Variants in PDE1A observed in about 807,000 individuals in gnomAD.
The protein encoded by PDE1A is dual specificity calcium/calmodulin-dependent 3',5'-cyclic nucleotide phosphodiesterase 1A.
Under a neutral mutation model 61.7 loss-of-function variants are expected in PDE1A, and 35 were observed. The observed-to-expected ratio is 0.57, with a 90% CI of 0.43 to 0.75. PDE1A has a LOEUF of 0.75. PDE1A is among the 30% of genes least tolerant of loss of function. The pLI, the probability that PDE1A is intolerant of heterozygous loss-of-function variation, is 0.00. For synonymous variants in PDE1A, 232 were observed against 213.2 expected, an observed-to-expected ratio of 1.09 and a Z score of -0.77; for missense variants, 597 against 630.6, an observed-to-expected ratio of 0.95 and a Z score of 0.57.
intron 1 of PDE1A, among the ~76,000 whole-genome samples, chr2:182,404,127 T>C (rs1702172362): frequency 6.6e-6 from 1 of 151,728 alleles, no homozygotes; most frequent in Non-Finnish European, 1.5e-5. Flanking sequence ...AAATAAGCCA[T>C]GAAGAAATTC....
chr2:182,240,980 A>C (rs1242943191), intron 2 of PDE1A, among the ~76,000 whole-genome samples: 1 of 152,212 alleles, frequency 6.6e-6, no homozygotes, highest in Non-Finnish European at 1.5e-5. Context: ...TCATGGGTTT[A>C]GAGCTGCTGG....
chr2:182,255,296 T>G (rs1326357491), intron 2 of PDE1A, among the ~76,000 whole-genome samples: 1 of 152,218 alleles, frequency 6.6e-6, no homozygotes, highest in Non-Finnish European at 1.5e-5. Flanking sequence ...CACTTACAAT[T>G]GAAATATTAA....
chr2:182,446,739 T>C (rs1450637475), intron 2 of PDE1A, among the ~76,000 whole-genome samples: 2 of 152,202 alleles, frequency 1.3e-5, no homozygotes, highest in Admixed American at 6.6e-5. Context: ...CTTCAATGAT[T>C]AAGCAGCCTT....
chr2:182,422,533 G>T (rs1343778216), intron 1 of PDE1A, among the ~76,000 whole-genome samples: 3 of 152,116 alleles, frequency 2.0e-5, no homozygotes, highest in African/African-American at 7.2e-5. Flanking sequence ...ATTTTTCTTG[G>T]CCTCATAGTC....
intron 1 of PDE1A, among the ~76,000 whole-genome samples, chr2:182,394,538 C>T (rs1321341302): frequency 6.8e-6 from 1 of 145,996 alleles, no homozygotes; most frequent in Non-Finnish European, 1.5e-5. Flanking sequence ...AGGGGAATGA[C>T]CAGACCTTTG....
At chr2:182,347,180 G>T (rs538382225) in intron 1 of PDE1A, among the ~76,000 whole-genome samples, 13 of 151,850 alleles carry the variant, frequency 8.6e-5, no homozygotes, top group African/African-American at 2.9e-4. Flanking sequence ...AGAAAATGTT[G>T]ATTTAAATCC....
In PDE1A at chr2:182,159,179, T is replaced by C. The variant is rs190460658; in HGVS notation, c.1517-12027A>G. On this transcript the variant is annotated intron_variant, in intron 13 of 13. Transcript: ENST00000409365. ...CTGGATAAGCTAAAGTGTCCTCTTT[T>C]TGAGAAAATTTAGGTTTACAGAACC... Among the ~76,000 whole-genome samples the C allele has an allele frequency of 1.1e-3, 166 of 152,344 alleles. 2 individuals carry two copies. Among genetic ancestry groups the C allele is most frequent in the Non-Finnish European group, 1.6e-4 (11 of 68,028 alleles).
chr2:182,660,693 G>A, the PDE1A span, among the ~76,000 whole-genome samples: 1 of 152,190 alleles, frequency 6.6e-6, no homozygotes, highest in East Asian at 1.9e-4. Flanking sequence ...TTAGAGAGGT[G>A]CCCAGACAAC....
chr2:182,266,326 C>G (rs1692630792), intron 1 of PDE1A, among the ~76,000 whole-genome samples: 1 of 152,130 alleles, frequency 6.6e-6, no homozygotes, highest in Non-Finnish European at 1.5e-5. Context: ...TATAATGGAT[C>G]AAGATACAGA....
chr2:182,521,944 A>C (rs977623045), intron 2 of PDE1A, among the ~76,000 whole-genome samples: 2 of 152,096 alleles, frequency 1.3e-5, no homozygotes, highest in Non-Finnish European at 2.9e-5. Flanking sequence ...GGGAAATTTT[A>C]TTTGTGGCAG....
chr2:182,225,350 A>G (rs1689059046), intron 6 of PDE1A, among the ~76,000 whole-genome samples: 3 of 151,924 alleles, frequency 2.0e-5, no homozygotes, highest in Admixed American at 1.3e-4. Flanking sequence ...GTAAAAGGTA[A>G]AAGAAAGCCA....
At chr2:182,446,123 G>T (rs1041965717) in intron 2 of PDE1A, among the ~76,000 whole-genome samples, 8 of 152,000 alleles carry the variant, frequency 5.3e-5, no homozygotes, top group African/African-American at 1.9e-4. Context: ...ATTATATTAA[G>T]ATTTTAAATA....
chr2:182,652,671 C>A, the PDE1A span, among the ~76,000 whole-genome samples: 4 of 152,172 alleles, frequency 2.6e-5, no homozygotes, highest in African/African-American at 9.7e-5. Context: ...CAATTCATCA[C>A]TGAGTGTTCA....
At chr2:182,714,576 T>G in the PDE1A span, among the ~76,000 whole-genome samples, 1 of 152,146 alleles carries the variant, frequency 6.6e-6, no homozygotes, top group Non-Finnish European at 1.5e-5. Context: ...TACTTTTTTT[T>G]TTCCCCCAAG....
intron 2 of PDE1A, among the ~76,000 whole-genome samples, chr2:182,456,644 T>C (rs1396062665): frequency 1.3e-5 from 2 of 152,086 alleles, no homozygotes; most frequent in Non-Finnish European, 2.9e-5. Context: ...TGAAAGATTC[T>C]TGACAAAAAT....
chr2:182,635,608 C>T, the PDE1A span, among the ~76,000 whole-genome samples: 12,607 of 151,796 alleles, frequency 0.083, 559 homozygotes, highest in Middle Eastern at 0.11. Flanking sequence ...CCAGCTGTTC[C>T]CACATCTTCG....
chr2:182,615,233 T>TGA, the PDE1A span, among the ~76,000 whole-genome samples: 3 of 152,186 alleles, frequency 2.0e-5, no homozygotes, highest in East Asian at 1.9e-4. Context: ...TAGGCTGCAG[T>TGA]TCTGTTCAGA....
At chr2:182,682,821 A>G in the PDE1A span, among the ~76,000 whole-genome samples, 1 of 152,222 alleles carries the variant, frequency 6.6e-6, no homozygotes, top group Non-Finnish European at 1.5e-5. Flanking sequence ...AGAAAAGTTT[A>G]CAAATGTGTA....
chr2:182,231,223 GT>G (rs1354317616), intron 4 of PDE1A, 92 bp from the exon 5 acceptor site: 6 of 712,536 alleles, frequency 8.4e-6, no homozygotes, highest in Non-Finnish European at 1.4e-5. Context: ...CATTTAGCAG[GT>G]CATCTTTCAA....
Sources: gnomAD v4.1 joint callset for allele counts (sites outside exome capture counted in the v4.1 genomes callset) on GRCh38, gnomAD v4.1.1 for gene constraint, MANE v1.5 for transcripts, NCBI Gene and HGNC (gene_info 2026-07-23, HGNC 2026-07-21) for gene names.